Variants in UBASH3B observed in about 807,000 individuals in gnomAD.
UBASH3B encodes the protein ubiquitin associated and SH3 domain containing B, also known as ubiquitin-associated and SH3 domain-containing protein B.
Under a neutral mutation model 83.4 loss-of-function variants are expected in UBASH3B, and 37 were observed. The ratio of observed to expected loss-of-function variants is 0.44; its 90% CI spans 0.34 to 0.58. The LOEUF is 0.58. UBASH3B is among the 20% of genes least tolerant of loss of function. UBASH3B has a pLI of 0.01. For synonymous variants in UBASH3B, 304 were observed against 318.3 expected (o/e 0.96, Z 0.48); for missense variants, 657 against 827.2 (o/e 0.79, Z 2.52).
intron 6 of UBASH3B, among the ~76,000 whole-genome samples, chr11:122,791,976 C>T (rs1034172975): frequency 1.3e-5 from 2 of 152,170 alleles, no homozygotes; most frequent in African/African-American, 2.4e-5. Context: ...CCAGCTCTCC[C>T]GATGCTTGAG....
chr11:122,802,337 GAATT>G (rs1056842846), intron 11 of UBASH3B, among the ~76,000 whole-genome samples: 2 of 104,202 alleles, frequency 1.9e-5, no homozygotes, highest in African/African-American at 7.6e-5. Flanking sequence ...AAAAAAAAAA[GAATT>G]AATAATAATA....
intron 1 of UBASH3B, among the ~76,000 whole-genome samples, chr11:122,710,728 G>A (rs1419889522): frequency 6.6e-6 from 1 of 152,114 alleles, no homozygotes. Context: ...TTGGGGAGGG[G>A]GACGGGGCAT....
intron 4 of UBASH3B, among the ~76,000 whole-genome samples, chr11:122,781,462 T>C (rs1860851861): frequency 6.6e-6 from 1 of 152,224 alleles, no homozygotes; most frequent in African/African-American, 2.4e-5. Context: ...GCACAGATTC[T>C]TGGAGTGCAT....
At chr11:122,661,059 G>A (rs1426993937) in intron 1 of UBASH3B, among the ~76,000 whole-genome samples, 1 of 152,216 alleles carries the variant, frequency 6.6e-6, no homozygotes, top group East Asian at 1.9e-4. Context: ...ATAGGATCAG[G>A]ATGCAAGATG....
chr11:122,700,497 C>CTTT (rs10640825), intron 1 of UBASH3B, among the ~76,000 whole-genome samples: 40,218 of 118,648 alleles, frequency 0.34, 9,114 homozygotes, highest in East Asian at 0.68. Context: ...TACTTCTGAT[C>CTTT]TTTTTTTTTT....
intron 1 of UBASH3B, among the ~76,000 whole-genome samples, chr11:122,660,100 C>T (rs945196280): frequency 3.3e-5 from 5 of 152,190 alleles, no homozygotes; most frequent in African/African-American, 1.2e-4. Flanking sequence ...GACCAGAGGG[C>T]TGCAGGGCTG....
chr11:122,750,459 C>T (rs1481803649), intron 1 of UBASH3B, among the ~76,000 whole-genome samples: 4 of 152,184 alleles, frequency 2.6e-5, no homozygotes, highest in African/African-American at 9.7e-5. Context: ...CCTTAGCTTA[C>T]TGGCACACTA....
At chr11:122,777,237 G>A in intron 3 of UBASH3B, 27 bp downstream of exon 3, 2 of 1,589,572 alleles carry the variant, frequency 1.3e-6, no homozygotes, top group Middle Eastern at 1.7e-4. Context: ...CCACCCCTGG[G>A]AAGCCTGGCT....
At chr11:122,777,361 G>A (rs1860756311) in intron 3 of UBASH3B, 151 bp downstream of exon 3, 1 of 860,782 alleles carries the variant, frequency 1.2e-6, no homozygotes, top group Admixed American at 3.1e-5. Flanking sequence ...GATCAGTGAG[G>A]TCCACAATGG....
At chr11:122,666,141 A>G (rs915889045) in intron 1 of UBASH3B, among the ~76,000 whole-genome samples, 6 of 152,168 alleles carry the variant, frequency 3.9e-5, no homozygotes. Context: ...CATGCTCCCG[A>G]TTTCTTTCAG....
intron 1 of UBASH3B, among the ~76,000 whole-genome samples, chr11:122,716,977 C>CA: frequency 6.6e-6 from 1 of 152,236 alleles, no homozygotes; most frequent in South Asian, 2.1e-4. Context: ...TCTAAGTAGT[C>CA]ACACAGATTG....
At chr11:122,724,414 T>C (rs1418901832) in intron 1 of UBASH3B, among the ~76,000 whole-genome samples, 2 of 152,202 alleles carry the variant, frequency 1.3e-5, no homozygotes, top group East Asian at 3.8e-4. Context: ...CACTGTGGCA[T>C]AGAGGGCATA....
intron 1 of UBASH3B, among the ~76,000 whole-genome samples, chr11:122,713,019 T>A (rs1465824166): frequency 6.8e-6 from 1 of 147,556 alleles, no homozygotes; most frequent in African/African-American, 2.5e-5. Flanking sequence ...GCCATTCTCC[T>A]GCCTCAGCCT....
At position 122,779,625 on chromosome 11, in the gene UBASH3B, A is replaced by G. The variant is rs1565562294; in HGVS notation, c.531A>G (p.Val177=). 1 of 1,614,180 alleles carries G rather than the reference A, an allele frequency of 6.2e-7. No homozygotes were observed. Among genetic ancestry groups the G allele is most frequent in the Non-Finnish European group, 8.5e-7 (1 of 1,180,022 alleles). ...YTSSNFIGLF[V]KEDSAEVLKK... is the part of the protein sequence containing the mutation. Reference sequence around the variant, plus strand: ...CGTCCAACTTCATCGGCCTCTTTGTAAAGGAAGACAGTGCGGAGGTCCTCA... The same window carrying G: ...CGTCCAACTTCATCGGCCTCTTTGTGAAGGAAGACAGTGCGGAGGTCCTCA... The change falls in exon 4 of 14, where the codon GTA becomes GTG. Residue 177 remains valine, a synonymous_variant. Transcript: ENST00000284273.
At chr11:122,672,973 C>T (rs2135901363) in intron 1 of UBASH3B, among the ~76,000 whole-genome samples, 1 of 152,276 alleles carries the variant, frequency 6.6e-6, no homozygotes, top group South Asian at 2.1e-4. Flanking sequence ...ATGGATTATC[C>T]ATACCCCAGG....
chr11:122,795,999 A>G (rs989358897), intron 7 of UBASH3B, among the ~76,000 whole-genome samples, 157 bp from the exon 8 acceptor site: 3 of 152,198 alleles, frequency 2.0e-5, no homozygotes, highest in African/African-American at 7.2e-5. Flanking sequence ...CCAGCCTCCA[A>G]ATAACTTATG....
intron 1 of UBASH3B, among the ~76,000 whole-genome samples, chr11:122,678,871 C>A (rs1863702218): frequency 6.6e-6 from 1 of 152,196 alleles, no homozygotes; most frequent in African/African-American, 2.4e-5. Context: ...GCCTGATTTG[C>A]TGCATAATCC....
intron 1 of UBASH3B, among the ~76,000 whole-genome samples, chr11:122,744,558 G>C (rs1861080516): frequency 6.6e-6 from 1 of 152,078 alleles, no homozygotes; most frequent in African/African-American, 2.4e-5. Context: ...ATGTCTAAGA[G>C]TGCCTGTGTG....
At chr11:122,790,440 T>C (rs1355867924) in intron 6 of UBASH3B, among the ~76,000 whole-genome samples, 1 of 152,132 alleles carries the variant, frequency 6.6e-6, no homozygotes, top group Non-Finnish European at 1.5e-5. Flanking sequence ...TCCCCAAACA[T>C]TTTGCTTTTT....
Sources: allele counts gnomAD v4.1 joint callset (sites outside exome capture counted in the v4.1 genomes callset), GRCh38; gene constraint gnomAD v4.1.1; transcripts MANE v1.5; gene names NCBI Gene and HGNC (gene_info 2026-07-23, HGNC 2026-07-21).